Variants in POU6F1 observed in about 807,000 individuals in gnomAD.
The protein encoded by POU6F1 is POU domain, class 6, transcription factor 1.
In POU6F1, 9 loss-of-function variants were observed where a neutral mutation model predicts 28.9. That is an observed-to-expected ratio of 0.31 (90% CI 0.19 to 0.54). The LOEUF is 0.54. POU6F1 is among the 20% of genes least tolerant of loss of function. The probability of loss-of-function intolerance (pLI) is 0.94; values close to 1 mark genes in which losing one functional copy is unlikely to be tolerated. For synonymous variants in POU6F1, 173 were observed against 171.1 expected (o/e 1.01, Z -0.09); for missense variants, 338 against 426.1 (o/e 0.79, Z 1.82).
intron 1 of POU6F1, among the ~76,000 whole-genome samples, chr12:51,213,750 T>A (rs1458181109): frequency 6.8e-6 from 1 of 146,680 alleles, no homozygotes. Flanking sequence ...GCCAGGCTGG[T>A]CTCGAACTCC....
chr12:51,196,801 G>C lies in POU6F1; in HGVS notation c.973C>G (p.Gln325Glu). 6.2e-7 allele frequency: 1 copy of C among 1,613,934 alleles called. No homozygotes were observed. ...SSQILTNAQG[Q>E]VIGTLPWVVN... The stretch of plus-strand genomic sequence containing the variant: ...CAGCCCTGTCTTTGGCCACTTGCCT[G>C]TCCCTGAGCATTGGTGAGGATCTGA... Residue 325 changes from glutamine to glutamate, a missense_variant and splice_region_variant, in exon 7 of 11, where the codon CAG (glutamine) becomes GAG (glutamate). Physicochemically the swap from Gln to Glu is conservative, Grantham distance 29. This residue lies in a region of POU6F1 where 206 missense variants were observed against 225.6 expected (regional missense o/e 0.91). Transcript: ENST00000333640.
chr12:51,196,658 A>G lies in POU6F1; in HGVS notation c.975+141T>C, dbSNP rs1435662958. On this transcript the variant is annotated intron_variant, in intron 7 of 10. Coordinates refer to ENST00000333640, the MANE Select transcript of POU6F1 (RefSeq NM_001330422.2). ...ACCCCTGCCCAGCTTCAGCATCGGC[A>G]GAAAGCCGCCGCAGAGGAGATAGGA... 1.5e-5 allele frequency: 16 copies of G among 1,041,286 alleles called. No homozygotes were observed. The East Asian group carries it at 4.0e-4, about 26-fold the overall frequency. 64.5% of individuals were successfully genotyped at this position (1,041,286 alleles called of 1,614,324 possible). A position where few individuals can be genotyped will look rare whatever the true frequency, so the allele number is the denominator to read the frequency against.
intron 1 of POU6F1, among the ~76,000 whole-genome samples, chr12:51,207,941 G>A (rs1403695033): frequency 6.6e-6 from 1 of 152,138 alleles, no homozygotes; most frequent in East Asian, 1.9e-4. Flanking sequence ...TGTGAGGACA[G>A]GTTGTCTGAC....
intron 3 of POU6F1, chr12:51,202,032 G>C (rs1405235869): frequency 6.6e-6 from 1 of 151,812 alleles, no homozygotes; most frequent in Admixed American, 6.6e-5. Flanking sequence ...GCTAATTTTT[G>C]TATTTTTTTG....
intron 5 of POU6F1, 165 bp from the exon 6 acceptor site, chr12:51,198,188 G>A (rs2137134692): frequency 5.0e-6 from 2 of 397,754 alleles, no homozygotes; most frequent in East Asian, 7.1e-5. Flanking sequence ...GCGCACGCCA[G>A]CATCTCTTAT....
At chr12:51,191,041 G>A (rs942574340) in intron 10 of POU6F1, among the ~76,000 whole-genome samples, 2 of 152,186 alleles carry the variant, frequency 1.3e-5, no homozygotes, top group African/African-American at 4.8e-5. Context: ...GCACTCTAAA[G>A]GTCACTCTAG....
chr12:51,188,774 C>T lies in POU6F1; in HGVS notation c.*1473G>A, dbSNP rs1357061885. ...GTCCACTGGAGGCAGCTGTTAGAGA[C>T]CAGCCTCTGTAAGGATAAGAGTACT... On this transcript the variant is annotated 3_prime_UTR_variant, in exon 11 of 11. Coordinates refer to ENST00000333640, the MANE Select transcript of POU6F1 (RefSeq NM_001330422.2). 1 of 152,220 alleles carries T rather than the reference C, an allele frequency of 6.6e-6. No individual in the cohort carries two copies. Among genetic ancestry groups the T allele is most frequent in the East Asian group, 1.9e-4 (1 of 5,186 alleles). 9.4% of individuals were successfully genotyped at this position (152,220 alleles called of 1,614,324 possible).
At position 51,191,697 on chromosome 12, in the gene POU6F1, G is replaced by A. The variant is rs770494510; in HGVS notation, c.1389C>T (p.Asn463=). ...CCAGCGAGAGCCGCCGGATCTTAAA[G>A]TTCTTGGCAAACTCCCGGATCTCTT... is the stretch of plus-strand genomic sequence containing the variant. ...NLEEIREFAK[N]FKIRRLSLGL... Residue 463 remains asparagine, a synonymous_variant, in exon 10 of 11, where the codon AAC becomes AAT. Transcript: ENST00000333640. The A allele has an allele frequency of 3.7e-6, 6 of 1,614,112 alleles. No homozygotes were observed. The highest frequency in any genetic ancestry group is 5.1e-6 in the Non-Finnish European group (6 of 1,180,050).
intron 6 of POU6F1, 87 bp downstream of exon 6, chr12:51,197,683 G>A (rs548625058): frequency 4.2e-4 from 167 of 398,774 alleles, no homozygotes; most frequent in African/African-American, 1.2e-3. Context: ...GGGGGGGCTC[G>A]TCCTCCACTG....
At position 51,190,812 on chromosome 12, in the gene POU6F1, C is replaced by T. The variant is rs1183584049; in HGVS notation, c.1491-220G>A. ...ATGTGCCCGGTCCTAACAGGGAAAC[C>T]ATTCCCACGGCCTCGGCTCAGTCAG... On this transcript the variant is annotated intron_variant, in intron 10 of 10. Transcript: ENST00000333640. This position sits in a 1 kb window ranked among gnomAD's most constrained non-coding sequence, Gnocchi z 4.5. Among the ~76,000 whole-genome samples, 1 of 152,118 alleles carries T rather than the reference C, an allele frequency of 6.6e-6. No homozygotes were observed. The highest frequency in any genetic ancestry group is 2.4e-5 in the African/African-American group (1 of 41,416).
At chr12:51,198,243 C>T (rs998038658) in intron 5 of POU6F1, 5 of 396,090 alleles carry the variant, frequency 1.3e-5, no homozygotes, top group South Asian at 1.4e-4. Context: ...AAGAACCAGA[C>T]GTTGAATCTT....
At chr12:51,200,016 G>C (rs1038063754) in intron 3 of POU6F1, 148 bp from the exon 4 acceptor site, 2 of 397,698 alleles carry the variant, frequency 5.0e-6, no homozygotes, top group Non-Finnish European at 8.9e-6. Context: ...AAGACCAATT[G>C]TTGGTCTTCC....
intron 10 of POU6F1, among the ~76,000 whole-genome samples, chr12:51,191,177 C>T (rs1418917858): frequency 1.3e-5 from 2 of 152,238 alleles, no homozygotes; most frequent in Non-Finnish European, 2.9e-5. Context: ...ACAGAAAACT[C>T]AGCTATGTTA....
At chr12:51,212,845 A>G (rs1944091500) in intron 1 of POU6F1, among the ~76,000 whole-genome samples, 1 of 151,802 alleles carries the variant, frequency 6.6e-6, no homozygotes, top group African/African-American at 2.4e-5. Context: ...TAAGAAGGTA[A>G]CTACAATACA....
In POU6F1 at chr12:51,189,845, G is replaced by C. The variant is rs1942275112; in HGVS notation, c.*402C>G. On this transcript the variant is annotated 3_prime_UTR_variant, in exon 11 of 11. Transcript: ENST00000333640. ...ACAGAGGAGCAAAGGAGAAGACAAG[G>C]TGGAAAGAGAATGCCATCAAAAGCA... 4.6e-6 allele frequency: 1 copy of C among 217,404 alleles called. No individual in the cohort carries two copies. Among genetic ancestry groups the C allele is most frequent in the African/African-American group, 2.3e-5 (1 of 44,370 alleles). 13.5% of individuals were successfully genotyped at this position (217,404 alleles called of 1,614,324 possible).
chr12:51,196,723 G>A, intron 7 of POU6F1, 76 bp downstream of exon 7: 3 of 1,550,138 alleles, frequency 1.9e-6, no homozygotes, highest in Non-Finnish European at 2.7e-6. Context: ...ATGACCCACA[G>A]CCCAAGACCT....
intron 6 of POU6F1, among the ~76,000 whole-genome samples, chr12:51,197,210 C>T (rs1355833574): frequency 2.7e-5 from 4 of 147,910 alleles, no homozygotes; most frequent in Non-Finnish European, 6.0e-5. Flanking sequence ...AGGGGTCTAC[C>T]GGCTGGATGG....
At chr12:51,216,471 TAGA>T (rs373132838) in intron 1 of POU6F1, among the ~76,000 whole-genome samples, 2 of 152,204 alleles carry the variant, frequency 1.3e-5, no homozygotes, top group African/African-American at 4.8e-5. Context: ...AACTCCATGA[TAGA>T]AGTTTTGTCT....
chr12:51,210,360 T>A (rs1943911014), intron 1 of POU6F1, among the ~76,000 whole-genome samples: 1 of 152,192 alleles, frequency 6.6e-6, no homozygotes, highest in African/African-American at 2.4e-5. Context: ...AAGGTGAATC[T>A]GGGTGCATTA....
Sources: allele counts gnomAD v4.1 joint callset (sites outside exome capture counted in the v4.1 genomes callset), GRCh38; gene constraint gnomAD v4.1.1; regional missense constraint gnomAD v4.1.1; non-coding constraint Gnocchi (gnomAD v3.1); transcripts MANE v1.5; gene names NCBI Gene and HGNC (gene_info 2026-07-23, HGNC 2026-07-21).